Variants in ITGAD observed in about 807,000 individuals in gnomAD.
ITGAD encodes the protein integrin alpha-D.
Under a neutral mutation model 139.0 loss-of-function variants are expected in ITGAD, and 105 were observed. The observed-to-expected ratio is 0.76, with a 90% CI of 0.65 to 0.89. The LOEUF (loss-of-function observed/expected upper bound fraction) is 0.89, where lower values mean the gene tolerates loss of function less well. ITGAD is among the 40% of genes least tolerant of loss of function. ITGAD has a pLI of 0.00. For synonymous variants in ITGAD, 569 were observed against 598.3 expected (o/e 0.95, Z 0.71); for missense variants, 1,384 against 1,487.3 (o/e 0.93, Z 1.14).
Position 31,404,314 on chromosome 16 carries a change from G to A in ITGAD, c.704+669G>A, listed in dbSNP as rs1597120534. The A allele has an allele frequency of 2.0e-5, 3 of 152,528 alleles. No individual in the cohort carries two copies. In the East Asian group the frequency reaches 5.8e-4, roughly 30 times the overall value. 9.4% of individuals were successfully genotyped at this position (152,528 alleles called of 1,614,324 possible). ...AAACGATGTAGGAGGTGGGACCCCC[G>A]AGAAAGGCATGTGGTTCTTGTAGGA... On this transcript the variant is annotated intron_variant, in intron 7 of 29. Coordinates refer to ENST00000389202, the MANE Select transcript of ITGAD (RefSeq NM_005353.3).
At chr16:31,413,552 C>A (rs1011064749) in intron 16 of ITGAD, among the ~76,000 whole-genome samples, 15 of 152,150 alleles carry the variant, frequency 9.9e-5, no homozygotes, top group Non-Finnish European at 2.2e-4. Context: ...TCTTCTTGCA[C>A]CCTCCCACCC....
At chr16:31,401,360 T>A (rs2081399276) in intron 5 of ITGAD, among the ~76,000 whole-genome samples, 1 of 151,988 alleles carries the variant, frequency 6.6e-6, no homozygotes, top group South Asian at 2.1e-4. Flanking sequence ...GGTAAAGGTT[T>A]CCTCCAGGGG....
chr16:31,395,143 C>G (rs765109459), intron 2 of ITGAD, among the ~76,000 whole-genome samples: 8 of 152,058 alleles, frequency 5.3e-5, no homozygotes, highest in Non-Finnish European at 8.8e-5. Flanking sequence ...ACAGCAAAAC[C>G]CCATCTCTAC....
intron 1 of ITGAD, 142 bp downstream of exon 1, chr16:31,393,533 C>A: frequency 1.2e-6 from 1 of 852,114 alleles, no homozygotes; most frequent in Non-Finnish European, 1.9e-6. Context: ...GTGCGAGTGG[C>A]CCGGAGTCAG....
chr16:31,394,438 C>T (rs2081217361), intron 2 of ITGAD, 97 bp downstream of exon 2: 1 of 803,522 alleles, frequency 1.2e-6, no homozygotes, highest in Non-Finnish European at 2.0e-6. Flanking sequence ...TGGAGGAAGG[C>T]CAGCAGGGGT....
Position 31,413,207 on chromosome 16 carries a change from G to A in ITGAD, c.1957G>A (p.Val653Ile), listed in dbSNP as rs749852262. ...PSALEAGDAT[V>I]CLTIQKSSLD... ...TGCCCTGGAAGCTGGGGACGCCACC[G>A]TCTGTCTCACCATCCAGAAAAGCTC... Residue 653 changes from valine (V) to isoleucine (I), a missense_variant, in exon 16 of 30, where the codon GTC (valine) becomes ATC (isoleucine). Val to Ile is a conservative substitution (Grantham distance 29). Coordinates refer to ENST00000389202, the MANE Select transcript of ITGAD (RefSeq NM_005353.3). The A allele has an allele frequency of 1.7e-5, 27 of 1,614,024 alleles. No individual in the cohort carries two copies. The East Asian group carries it at 1.8e-4, about 11-fold the overall frequency.
intron 2 of ITGAD, among the ~76,000 whole-genome samples, chr16:31,396,702 G>A (rs1425642314): frequency 1.3e-5 from 2 of 152,316 alleles, no homozygotes; most frequent in East Asian, 3.9e-4. Context: ...AAATACACCA[G>A]TATCTGTCTG....
In ITGAD at chr16:31,423,870, A is replaced by G. The variant is rs765816112; in HGVS notation, c.3071A>G (p.Gln1024Arg). Residue 1024 changes from glutamine to arginine, a missense_variant, in exon 27 of 30, where the codon CAG (glutamine) becomes CGG (arginine). Coordinates refer to ENST00000389202, the MANE Select transcript of ITGAD (RefSeq NM_005353.3). The stretch of plus-strand genomic sequence containing the variant: ...GACTGCTCCATTGCTGACTGCCTGC[A>G]GTTCCGCTGTGACGTCCCCTCCTTC... ...MLDCSIADCL[Q>R]FRCDVPSFSV... 4 of 1,614,208 alleles carry G rather than the reference A, an allele frequency of 2.5e-6. No homozygotes were observed. The highest frequency in any genetic ancestry group is 3.4e-6 in the Non-Finnish European group (4 of 1,180,040).
intron 12 of ITGAD, 82 bp from the exon 13 acceptor site, chr16:31,410,994 G>A (rs2142751317): frequency 5.0e-6 from 8 of 1,602,282 alleles, no homozygotes; most frequent in South Asian, 1.1e-5. Flanking sequence ...AGAGGTCCTG[G>A]TACCTGGGGA....
In ITGAD at chr16:31,410,810, G is replaced by A. The variant is rs565108853; in HGVS notation, c.1288G>A (p.Gly430Arg). ...VLGAPRYQHTGKAVIFTQVSR... is the reference protein window; with the variant it reads ...VLGAPRYQHTRKAVIFTQVSR... ...GGGGGCCCCCCGCTACCAGCATACC[G>A]GGAAGGCTGTCATCTTCACCCAGGT... Residue 430 changes from glycine to arginine, a missense_variant, in exon 12 of 30, where the codon GGG becomes AGG. Coordinates refer to ENST00000389202, the MANE Select transcript of ITGAD (RefSeq NM_005353.3). 53 of 1,613,762 alleles carry A rather than the reference G, an allele frequency of 3.3e-5. 1 individual carries two copies. The highest frequency in any genetic ancestry group is 2.4e-4 in the South Asian group (22 of 91,076).
At chr16:31,420,219 G>A (rs928291022) in intron 23 of ITGAD, among the ~76,000 whole-genome samples, 7 of 152,140 alleles carry the variant, frequency 4.6e-5, no homozygotes, top group African/African-American at 2.4e-5. Context: ...GTGAGAAACT[G>A]TTGGGAAGGT....
At chr16:31,421,985 G>T (rs1220299454) in intron 23 of ITGAD, among the ~76,000 whole-genome samples, 1 of 152,134 alleles carries the variant, frequency 6.6e-6, no homozygotes, top group Non-Finnish European at 1.5e-5. Context: ...GGCTGGAGGG[G>T]AGTGGTGTGA....
chr16:31,424,990 C>T (rs911730567), intron 29 of ITGAD, among the ~76,000 whole-genome samples: 1 of 152,152 alleles, frequency 6.6e-6, no homozygotes, highest in Non-Finnish European at 1.5e-5. Context: ...GGCAGACAGG[C>T]CTGGACACAC....
rs747251669 is a variant in ITGAD, at chr16:31,414,434, T to C, written c.1997-17T>C. The C allele has an allele frequency of 1.9e-6, 3 of 1,607,924 alleles. No individual in the cohort carries two copies. Among genetic ancestry groups the C allele is most frequent in the South Asian group, 2.2e-5 (2 of 90,596 alleles). On this transcript the variant is annotated splice_polypyrimidine_tract_variant and intron_variant, in intron 16 of 29. Transcript: ENST00000389202. Reference sequence around the variant, plus strand: ...TTATTTCTGCCTTTTCATTTTGCACTCTCCCCTGCACTTCAGGTGACATCC... The same window carrying C: ...TTATTTCTGCCTTTTCATTTTGCACCCTCCCCTGCACTTCAGGTGACATCC...
intron 7 of ITGAD, among the ~76,000 whole-genome samples, chr16:31,405,099 G>A (rs1032611469): frequency 5.3e-5 from 8 of 151,730 alleles, no homozygotes; most frequent in African/African-American, 2.4e-5. Flanking sequence ...CAATTCTCCT[G>A]CCTCAACCTC....
chr16:31,414,983 A>T lies in ITGAD; in HGVS notation c.2275A>T (p.Thr759Ser). 2 of 1,613,936 alleles carry T rather than the reference A, an allele frequency of 1.2e-6. No homozygotes were observed. The highest frequency in any genetic ancestry group is 1.7e-6 in the Non-Finnish European group (2 of 1,179,974). ...VLAVGSQDLFTASLPFEKNCG... is the reference protein window; with the variant it reads ...VLAVGSQDLFSASLPFEKNCG... ...GGCCGTGGGCTCACAAGACCTCTTC[A>T]CTGCTTCTGTGAGTCTTCTGATGAA... Residue 759 changes from threonine (T) to serine (S), a missense_variant, in exon 18 of 30, where the codon ACT (threonine) becomes TCT (serine). By Grantham distance (58) the Thr-to-Ser change is moderately conservative (BLOSUM62 1). Coordinates refer to ENST00000389202, the MANE Select transcript of ITGAD (RefSeq NM_005353.3).
intron 2 of ITGAD, 76 bp from the exon 3 acceptor site, chr16:31,397,283 A>G: frequency 1.1e-6 from 1 of 947,370 alleles, no homozygotes; most frequent in Non-Finnish European, 1.6e-6. Flanking sequence ...ATGGAGGGAC[A>G]CTTCCTCACC....
chr16:31,396,968 T>A (rs564355824), intron 2 of ITGAD, among the ~76,000 whole-genome samples: 92 of 152,176 alleles, frequency 6.0e-4, no homozygotes, highest in South Asian at 8.3e-4. Context: ...TAACTTGAGA[T>A]GATCTTATTT....
At chr16:31,402,269 G>C (rs989157634) in intron 6 of ITGAD, 24 bp downstream of exon 6, 1 of 1,585,412 alleles carries the variant, frequency 6.3e-7, no homozygotes, top group Admixed American at 1.7e-5. Context: ...ACCTGGGGCT[G>C]GGGTTTGGGG....
Sources: allele counts gnomAD v4.1 joint callset (sites outside exome capture counted in the v4.1 genomes callset), GRCh38; gene constraint gnomAD v4.1.1; transcripts MANE v1.5; gene names NCBI Gene and HGNC (gene_info 2026-07-23, HGNC 2026-07-21).